NREP: variants seen among roughly 807,000 people sequenced by gnomAD.
The protein encoded by NREP is neuronal regeneration related protein.
A neutral mutation model predicts 8.6 loss-of-function variants in NREP; 5 were observed. The ratio of observed to expected loss-of-function variants is 0.58; its 90% CI spans 0.30 to 1.22. NREP has a LOEUF of 1.22. Ranked by LOEUF, NREP falls within the 50% of genes most tolerant of loss-of-function variation. The pLI is 0.07. For missense variants in NREP, 86 were observed against 82.5 expected, an observed-to-expected ratio of 1.04 and a Z score of -0.17; for synonymous variants, 27 against 28.0, an observed-to-expected ratio of 0.96 and a Z score of 0.11.
At chr5:111,812,736 G>A (rs1285645355) in intron 2 of NREP, among the ~76,000 whole-genome samples, 1 of 151,992 alleles carries the variant, frequency 6.6e-6, no homozygotes, top group Admixed American at 6.6e-5. Context: ...TAACTCAGTG[G>A]TAGTCCTAAT....
intron 2 of NREP, among the ~76,000 whole-genome samples, chr5:111,881,100 G>T (rs910420837): frequency 6.6e-6 from 1 of 151,896 alleles, no homozygotes; most frequent in Admixed American, 6.6e-5. Flanking sequence ...GACGGCACCT[G>T]GAAAATTGGG....
intron 2 of NREP, among the ~76,000 whole-genome samples, chr5:111,821,031 G>A (rs1297639101): frequency 6.6e-6 from 1 of 152,136 alleles, no homozygotes; most frequent in Non-Finnish European, 1.5e-5. Context: ...CAGTTGGGTA[G>A]GTCTGAAGTC....
At chr5:111,929,689 G>T (rs993872539) in intron 2 of NREP, among the ~76,000 whole-genome samples, 22 of 152,270 alleles carry the variant, frequency 1.4e-4, no homozygotes, top group African/African-American at 5.1e-4. Context: ...AAAATCCTTA[G>T]GGAACTTCTG....
rs73789509 is a variant in NREP at position 111,814,615 on chromosome 5, G to A, written c.136-79108C>T. On this transcript the variant is annotated intron_variant, in intron 2 of 3. Coordinates refer to the NREP transcript ENST00000395634. ...CAGATCTTTGTTGAGCAACTATTATGTACCAGGTACAGTGCTGACTATTGC... is the reference window on the plus strand; with the variant it reads ...CAGATCTTTGTTGAGCAACTATTATATACCAGGTACAGTGCTGACTATTGC... 2.0e-3 allele frequency among the ~76,000 whole-genome samples: 306 copies of A among 152,216 alleles called. 1 individual carries two copies. Among genetic ancestry groups the A allele is most frequent in the African/African-American group, 6.8e-3 (283 of 41,520 alleles).
chr5:111,820,410 C>A (rs1262312945), intron 2 of NREP, among the ~76,000 whole-genome samples: 2 of 152,182 alleles, frequency 1.3e-5, no homozygotes, highest in East Asian at 3.9e-4. Flanking sequence ...AGAGAGTAGG[C>A]AAATTTACAA....
chr5:111,894,698 C>T (rs143395393), intron 2 of NREP, among the ~76,000 whole-genome samples: 2 of 152,172 alleles, frequency 1.3e-5, no homozygotes, highest in African/African-American at 4.8e-5. Flanking sequence ...CCAGGCTGCC[C>T]GCATGAATTT....
At chr5:111,969,349 T>C (rs1756736771) in intron 2 of NREP, 1 of 152,142 alleles carries the variant, frequency 6.6e-6, no homozygotes, top group Non-Finnish European at 1.5e-5. Context: ...AGGGAGACAA[T>C]GACATCACAG....
At chr5:111,902,255 T>C (rs1754665109) in intron 2 of NREP, among the ~76,000 whole-genome samples, 1 of 151,806 alleles carries the variant, frequency 6.6e-6, no homozygotes, top group Non-Finnish European at 1.5e-5. Context: ...AAACAGAAGA[T>C]GAAACTAGAC....
intron 2 of NREP, among the ~76,000 whole-genome samples, chr5:111,864,740 G>A (rs1753627986): frequency 6.6e-6 from 1 of 151,868 alleles, no homozygotes; most frequent in African/African-American, 2.4e-5. Context: ...TATTCAATGT[G>A]TACTTTTATA....
At chr5:111,920,540 C>T (rs1239604674) in intron 2 of NREP, among the ~76,000 whole-genome samples, 1 of 152,052 alleles carries the variant, frequency 6.6e-6, no homozygotes, top group Non-Finnish European at 1.5e-5. Flanking sequence ...GAGGTTAGAG[C>T]AGAAGTTTAA....
At chr5:111,925,318 C>G (rs897162286) in intron 2 of NREP, among the ~76,000 whole-genome samples, 4 of 152,164 alleles carry the variant, frequency 2.6e-5, no homozygotes, top group African/African-American at 9.7e-5. Flanking sequence ...TTGCCACAGG[C>G]TGGACAGGGT....
intron 2 of NREP, among the ~76,000 whole-genome samples, chr5:111,834,967 T>G (rs1752859029): frequency 6.6e-6 from 1 of 152,192 alleles, no homozygotes; most frequent in Non-Finnish European, 1.5e-5. Context: ...AGATCTGTTT[T>G]AACCTTCTTT....
chr5:111,737,995 C>A (rs1293416267), intron 2 of NREP, among the ~76,000 whole-genome samples: 3 of 152,132 alleles, frequency 2.0e-5, no homozygotes, highest in African/African-American at 4.8e-5. Flanking sequence ...CCTTCAAAGT[C>A]AGAACCTTAA....
At chr5:111,925,008 T>G (rs1424630734) in intron 2 of NREP, among the ~76,000 whole-genome samples, 3 of 151,624 alleles carry the variant, frequency 2.0e-5, no homozygotes, top group Admixed American at 2.0e-4. Context: ...AACTAAGGGG[T>G]TGAGAAAAAT....
At chr5:111,914,980 T>G (rs1755015794) in intron 2 of NREP, among the ~76,000 whole-genome samples, 1 of 152,132 alleles carries the variant, frequency 6.6e-6, no homozygotes, top group South Asian at 2.1e-4. Flanking sequence ...TTAATACAAG[T>G]CCTTTTCATT....
intron 2 of NREP, among the ~76,000 whole-genome samples, chr5:111,778,072 G>A (rs1751406503): frequency 6.6e-6 from 1 of 152,144 alleles, no homozygotes; most frequent in Non-Finnish European, 1.5e-5. Flanking sequence ...CCTGGTGGCA[G>A]AAATCATAGG....
intron 2 of NREP, among the ~76,000 whole-genome samples, chr5:111,750,293 A>G (rs1192781580): frequency 6.6e-6 from 1 of 152,190 alleles, no homozygotes; most frequent in East Asian, 1.9e-4. Context: ...CACTCACTCA[A>G]TATAAGGACT....
chr5:111,855,150 T>C (rs1753397827), intron 2 of NREP, among the ~76,000 whole-genome samples: 1 of 152,130 alleles, frequency 6.6e-6, no homozygotes, highest in East Asian at 1.9e-4. Context: ...AGAAAGTGTC[T>C]ATGCCAAATT....
chr5:111,858,006 T>A (rs1359486910), intron 2 of NREP, among the ~76,000 whole-genome samples: 1 of 151,650 alleles, frequency 6.6e-6, no homozygotes, highest in African/African-American at 2.4e-5. Context: ...TATTTGAGTC[T>A]ACTTTATAAC....
Sources: gnomAD v4.1 joint callset for allele counts (sites outside exome capture counted in the v4.1 genomes callset) on GRCh38, gnomAD v4.1.1 for gene constraint, MANE v1.5 for transcripts, NCBI Gene and HGNC (gene_info 2026-07-23, HGNC 2026-07-21) for gene names.